DLG2: variants seen among roughly 807,000 people sequenced by gnomAD.
DLG2 encodes the protein discs large MAGUK scaffold protein 2.
A neutral mutation model predicts 132.5 loss-of-function variants in DLG2; 45 were observed. That is an observed-to-expected ratio of 0.34 (90% CI 0.27 to 0.44). The LOEUF is 0.44. Ranked by LOEUF, DLG2 falls within the 20% of genes least tolerant of loss-of-function variation. The pLI is 1.00. For missense variants in DLG2, 1,045 were observed against 1,196.9 expected (o/e 0.87, Z 1.87); for synonymous variants, 424 against 419.6 (o/e 1.01, Z -0.13).
intron 3 of DLG2, among the ~76,000 whole-genome samples, chr11:85,477,754 T>C (rs1279202211): frequency 1.3e-5 from 2 of 152,196 alleles, no homozygotes; most frequent in Non-Finnish European, 2.9e-5. Flanking sequence ...AAGAGTAACA[T>C]GGAAGATATT....
chr11:83,612,244 A>G (rs1196669298), intron 19 of DLG2, among the ~76,000 whole-genome samples: 1 of 152,154 alleles, frequency 6.6e-6, no homozygotes, highest in Admixed American at 6.5e-5. Context: ...TGGCTTGACT[A>G]TTGGCTTTGC....
chr11:84,524,065 G>A (rs1341260912), intron 7 of DLG2, among the ~76,000 whole-genome samples: 2 of 151,950 alleles, frequency 1.3e-5, no homozygotes, highest in East Asian at 3.9e-4. Flanking sequence ...ATTGTCTTGG[G>A]CCACACATAA....
chr11:84,829,731 G>A (rs1340559860), intron 6 of DLG2, among the ~76,000 whole-genome samples: 1 of 151,608 alleles, frequency 6.6e-6, no homozygotes, highest in Non-Finnish European at 1.5e-5. Context: ...AGTGTACTTA[G>A]TACAGATAAA....
intron 7 of DLG2, among the ~76,000 whole-genome samples, chr11:84,399,216 G>A (rs1404817822): frequency 1.3e-5 from 2 of 152,050 alleles, no homozygotes; most frequent in Non-Finnish European, 2.9e-5. Flanking sequence ...TCACTACCCT[G>A]CTAGTGTTCC....
intron 7 of DLG2, among the ~76,000 whole-genome samples, chr11:84,464,266 T>C (rs1320783344): frequency 6.6e-6 from 1 of 151,126 alleles, no homozygotes; most frequent in East Asian, 1.9e-4. Flanking sequence ...ATATGTATAA[T>C]GGCAGCTGCT....
intron 10 of DLG2, among the ~76,000 whole-genome samples, chr11:84,097,619 T>C (rs1225994280): frequency 6.6e-6 from 1 of 152,214 alleles, no homozygotes. Flanking sequence ...ATAAATATTT[T>C]GTATTTCACA....
intron 18 of DLG2, among the ~76,000 whole-genome samples, chr11:83,663,535 C>T (rs758982786): frequency 5.9e-5 from 9 of 152,276 alleles, no homozygotes; most frequent in East Asian, 3.9e-4. Flanking sequence ...GTATCTGCAG[C>T]GTCATTGCAG....
rs78170577 is a variant in DLG2 at position 85,517,350 on chromosome 11, G to T, written c.40+81307C>A. On this transcript the variant is annotated intron_variant, in intron 3 of 27. Coordinates refer to ENST00000376104, the MANE Select transcript of DLG2 (RefSeq NM_001142699.3). ...CATACTGAATGTGGAAAATTTGAAGGCATTCCCCCTAAAACTGAAACAAGA... is the reference window on the plus strand; with the variant it reads ...CATACTGAATGTGGAAAATTTGAAGTCATTCCCCCTAAAACTGAAACAAGA... Among the ~76,000 whole-genome samples, 1,391 of 152,136 alleles carry T rather than the reference G, an allele frequency of 9.1e-3. 19 individuals are homozygous for T. The highest frequency in any genetic ancestry group is 0.03 in the African/African-American group (1,243 of 41,516).
chr11:84,682,985 A>G (rs2099734841), intron 6 of DLG2, among the ~76,000 whole-genome samples: 1 of 152,202 alleles, frequency 6.6e-6, no homozygotes, highest in African/African-American at 2.4e-5. Flanking sequence ...CACAATGCAG[A>G]TATAAATAGC....
At chr11:84,906,728 A>G (rs1032557421) in intron 6 of DLG2, among the ~76,000 whole-genome samples, 2 of 152,134 alleles carry the variant, frequency 1.3e-5, no homozygotes, top group Non-Finnish European at 2.9e-5. Context: ...AGGGGGAAAA[A>G]AATGGAAATA....
chr11:84,777,475 T>C (rs911819198), intron 6 of DLG2, among the ~76,000 whole-genome samples: 2 of 151,360 alleles, frequency 1.3e-5, no homozygotes, highest in Non-Finnish European at 2.9e-5. Context: ...TAGAGTGGGA[T>C]TGCTGTATCT....
chr11:83,792,569 T>C (rs1033585889), intron 17 of DLG2, among the ~76,000 whole-genome samples: 1 of 152,140 alleles, frequency 6.6e-6, no homozygotes, highest in African/African-American at 2.4e-5. Flanking sequence ...TTATAAAATA[T>C]ATAATTTAAA....
At chr11:84,494,068 G>A (rs932910991) in intron 7 of DLG2, among the ~76,000 whole-genome samples, 1 of 152,098 alleles carries the variant, frequency 6.6e-6, no homozygotes, top group Non-Finnish European at 1.5e-5. Flanking sequence ...AGACAGAGAA[G>A]ACTTATATGC....
chr11:84,618,901 A>G (rs2099609112), intron 6 of DLG2, among the ~76,000 whole-genome samples: 2 of 152,090 alleles, frequency 1.3e-5, no homozygotes, highest in African/African-American at 4.8e-5. Flanking sequence ...ATAATGAAGA[A>G]AATATTTAAA....
At chr11:84,991,375 G>A (rs2057083876) in intron 6 of DLG2, among the ~76,000 whole-genome samples, 1 of 151,914 alleles carries the variant, frequency 6.6e-6, no homozygotes, top group Non-Finnish European at 1.5e-5. Flanking sequence ...TGAGCAGGGT[G>A]GCACTCGCCT....
At chr11:84,004,489 G>A (rs2094489094) in intron 11 of DLG2, among the ~76,000 whole-genome samples, 1 of 151,934 alleles carries the variant, frequency 6.6e-6, no homozygotes, top group Non-Finnish European at 1.5e-5. Flanking sequence ...CATACTGAAT[G>A]GAGAAAAGTT....
chr11:83,768,673 C>T (rs993724930), intron 18 of DLG2, among the ~76,000 whole-genome samples: 2 of 152,230 alleles, frequency 1.3e-5, no homozygotes, highest in Non-Finnish European at 2.9e-5. Context: ...CAGGGCTTGG[C>T]AGCACAACGT....
chr11:83,503,212 A>G (rs1168543381), intron 21 of DLG2, among the ~76,000 whole-genome samples: 1 of 151,136 alleles, frequency 6.6e-6, no homozygotes, highest in East Asian at 2.0e-4. Flanking sequence ...TAAATAGACC[A>G]TTATTCACCA....
At chr11:84,441,196 G>C (rs998540070) in intron 7 of DLG2, among the ~76,000 whole-genome samples, 2 of 151,658 alleles carry the variant, frequency 1.3e-5, no homozygotes, top group Non-Finnish European at 2.9e-5. Context: ...ACCCAGGATG[G>C]AGTGCAGTGT....
Sources: gnomAD v4.1 joint callset for allele counts (sites outside exome capture counted in the v4.1 genomes callset) on GRCh38, gnomAD v4.1.1 for gene constraint, MANE v1.5 for transcripts, NCBI Gene and HGNC (gene_info 2026-07-23, HGNC 2026-07-21) for gene names.